The following CCSER1 variants were observed in gnomAD, a reference collection of about 807,000 sequenced individuals.
CCSER1 encodes coiled-coil serine rich protein 1, also known as serine-rich coiled-coil domain-containing protein 1.
In CCSER1, 41 loss-of-function variants were observed where a neutral mutation model predicts 82.0. That is an observed-to-expected ratio of 0.50 (90% CI 0.39 to 0.65). The LOEUF is 0.65. CCSER1 is among the 30% of genes least tolerant of loss of function. CCSER1 has a pLI of 0.00. For synonymous variants in CCSER1, 414 were observed against 383.9 expected, an observed-to-expected ratio of 1.08 and a Z score of -0.92; for missense variants, 1,119 against 1,064.2, an observed-to-expected ratio of 1.05 and a Z score of -0.72.
chr4:91,559,160 C>A (rs1300776903), intron 10 of CCSER1, among the ~76,000 whole-genome samples: 3 of 151,452 alleles, frequency 2.0e-5, no homozygotes, highest in Non-Finnish European at 4.4e-5. Flanking sequence ...TGCTGGAAAT[C>A]CCATTTTTTT....
intron 3 of CCSER1, among the ~76,000 whole-genome samples, chr4:90,333,727 A>C (rs1739822574): frequency 6.6e-6 from 1 of 152,226 alleles, no homozygotes; most frequent in Non-Finnish European, 1.5e-5. Context: ...GATCTACTCA[A>C]TTCATTAATA....
At chr4:90,329,301 A>G (rs1387877626) in intron 3 of CCSER1, among the ~76,000 whole-genome samples, 1 of 152,176 alleles carries the variant, frequency 6.6e-6, no homozygotes, top group Non-Finnish European at 1.5e-5. Context: ...AATACTGCCC[A>G]CCTCATACAG....
intron 10 of CCSER1, among the ~76,000 whole-genome samples, chr4:91,517,784 GTT>G (rs869302094): frequency 0.24 from 28,869 of 121,620 alleles, 2,821 homozygotes; most frequent in African/African-American, 0.26. Context: ...GTGTGTGTGT[GTT>G]TAACTTTGAT....
intron 10 of CCSER1, among the ~76,000 whole-genome samples, chr4:91,103,448 C>G (rs1348812564): frequency 6.6e-6 from 1 of 152,062 alleles, no homozygotes; most frequent in Non-Finnish European, 1.5e-5. Context: ...TTTTTTAGCT[C>G]CTAAGAAACA....
chr4:91,352,367 C>T (rs970667396), intron 10 of CCSER1, among the ~76,000 whole-genome samples: 4 of 152,264 alleles, frequency 2.6e-5, no homozygotes, highest in South Asian at 2.1e-4. Flanking sequence ...CTGCCTCAGC[C>T]TCCCAAGTAG....
intron 8 of CCSER1, among the ~76,000 whole-genome samples, chr4:90,890,695 T>C (rs773784279): frequency 6.6e-6 from 1 of 152,200 alleles, no homozygotes; most frequent in Non-Finnish European, 1.5e-5. Flanking sequence ...TTGGATGTAC[T>C]TCTGTTTTCC....
rs768007230 is a variant in CCSER1, at chr4:91,476,429, T to A, written c.2218-122143T>A. Among the ~76,000 whole-genome samples, 10 of 151,792 alleles carry A rather than the reference T, an allele frequency of 6.6e-5. 1 individual carries two copies. The highest frequency in any genetic ancestry group is 1.3e-4 in the Non-Finnish European group (9 of 67,760). ...TTCATATTCCTGTTGGCAATTTGTG[T>A]GTCTTGGAAGACTTAGTATTGTTAA... On this transcript the variant is annotated intron_variant, in intron 10 of 10. Transcript: ENST00000509176.
At chr4:91,162,432 A>G (rs556496498) in intron 10 of CCSER1, among the ~76,000 whole-genome samples, 3 of 152,198 alleles carry the variant, frequency 2.0e-5, no homozygotes, top group African/African-American at 7.2e-5. Flanking sequence ...TATCAGGATG[A>G]TGCTGGCCTC....
intron 10 of CCSER1, among the ~76,000 whole-genome samples, chr4:91,365,749 A>T (rs1749568995): frequency 1.3e-5 from 2 of 152,174 alleles, no homozygotes; most frequent in African/African-American, 4.8e-5. Flanking sequence ...ACAGGGATGA[A>T]GTGGCGTGGT....
At chr4:91,028,711 GA>G (rs35653727) in intron 9 of CCSER1, among the ~76,000 whole-genome samples, 51,165 of 147,782 alleles carry the variant, frequency 0.35, 10,432 homozygotes, top group East Asian at 0.58. Context: ...CATGTGTCCA[GA>G]AAAAAAAAAA....
intron 3 of CCSER1, among the ~76,000 whole-genome samples, chr4:90,366,360 T>C (rs1332775420): frequency 1.3e-5 from 2 of 151,770 alleles, no homozygotes; most frequent in African/African-American, 4.8e-5. Flanking sequence ...GAACTGGGTT[T>C]AACTTTTTAA....
intron 10 of CCSER1, among the ~76,000 whole-genome samples, chr4:91,433,156 C>G (rs535564268): frequency 6.6e-6 from 1 of 152,252 alleles, no homozygotes; most frequent in South Asian, 2.1e-4. Context: ...AGCAATTCTT[C>G]TCTTTCAGAC....
chr4:91,305,620 A>G (rs1447814715), intron 10 of CCSER1, among the ~76,000 whole-genome samples: 2 of 151,874 alleles, frequency 1.3e-5, no homozygotes, highest in Non-Finnish European at 2.9e-5. Flanking sequence ...TTGAAAGTAG[A>G]CCAATTGAAT....
At chr4:91,481,539 G>T (rs1184584449) in intron 10 of CCSER1, among the ~76,000 whole-genome samples, 1 of 152,142 alleles carries the variant, frequency 6.6e-6, no homozygotes, top group Non-Finnish European at 1.5e-5. Flanking sequence ...CATGCTGGTG[G>T]TTAAAGCTGC....
intron 10 of CCSER1, among the ~76,000 whole-genome samples, chr4:91,595,134 TG>T (rs1262981908): frequency 6.6e-6 from 1 of 151,990 alleles, no homozygotes; most frequent in African/African-American, 2.4e-5. Context: ...AACTGGATGA[TG>T]GGATATAAGA....
At chr4:91,253,870 G>T (rs1156244025) in intron 10 of CCSER1, among the ~76,000 whole-genome samples, 1 of 152,050 alleles carries the variant, frequency 6.6e-6, no homozygotes, top group Non-Finnish European at 1.5e-5. Context: ...GGGGGGAGGT[G>T]CTACACACTT....
intron 10 of CCSER1, among the ~76,000 whole-genome samples, chr4:91,219,790 A>C (rs1737590417): frequency 6.6e-6 from 1 of 152,138 alleles, no homozygotes; most frequent in African/African-American, 2.4e-5. Context: ...ATTATGGAGA[A>C]TATATATTTT....
rs541446295 is a variant in CCSER1, at chr4:91,334,529, AACAC to A, written c.2217+248540_2217+248543del. ...CATTGTAATAAGGTAGAGAAAAGAA[AACAC>A]ACACTCACACACACACATTCACTCA... is the stretch of plus-strand genomic sequence containing the variant. On this transcript the variant is annotated intron_variant, in intron 10 of 10. Transcript: ENST00000509176. Among the ~76,000 whole-genome samples, 9 of 152,028 alleles carry A rather than the reference AACAC, an allele frequency of 5.9e-5. No homozygotes were observed. The South Asian group carries it at 1.2e-3, about 21-fold the overall frequency.
intron 8 of CCSER1, chr4:90,838,902 A>T (rs11559253): frequency 6.2e-7 from 1 of 1,613,278 alleles, no homozygotes; most frequent in Admixed American, 1.7e-5. Context: ...CGCACGCCTC[A>T]TTACGATTCG....
Sources: gnomAD v4.1 joint callset for allele counts (sites outside exome capture counted in the v4.1 genomes callset) on GRCh38, gnomAD v4.1.1 for gene constraint, MANE v1.5 for transcripts, NCBI Gene and HGNC (gene_info 2026-07-23, HGNC 2026-07-21) for gene names.